The following WASHC2A variants were observed in gnomAD, a reference collection of about 807,000 sequenced individuals.
WASHC2A encodes WASH complex subunit 2A, also known as WASH complex subunit FAM21A.
Under a neutral mutation model 140.3 loss-of-function variants are expected in WASHC2A, and 82 were observed. The ratio of observed to expected loss-of-function variants is 0.58; its 90% confidence interval spans 0.49 to 0.70. The LOEUF is 0.70. Among genes scored for constraint, WASHC2A ranks in the 30% least tolerant of loss-of-function variants. The pLI, the probability that WASHC2A is intolerant of heterozygous loss-of-function variation, is 0.00. For synonymous variants in WASHC2A, 340 were observed against 560.8 expected (o/e 0.61, Z 5.56); for missense variants, 985 against 1,521.8 (o/e 0.65, Z 5.87).
At chr10:50,116,500 A>T (rs1842691589) in intron 21 of WASHC2A, among the ~76,000 whole-genome samples, 1 of 140,536 alleles carries the variant, frequency 7.1e-6, no homozygotes, top group Non-Finnish European at 1.5e-5. Flanking sequence ...TCTTTAGTAG[A>T]GACGGGGTTT....
At chr10:50,127,352 G>C (rs1309019042) in intron 27 of WASHC2A, 130 bp downstream of exon 27, 2 of 1,569,274 alleles carry the variant, frequency 1.3e-6, no homozygotes, top group Non-Finnish European at 1.7e-6. Flanking sequence ...CCTGCACCTA[G>C]TTGTTGTCTC....
intron 17 of WASHC2A, among the ~76,000 whole-genome samples, chr10:50,103,411 T>C (rs1841422169): frequency 6.6e-6 from 1 of 151,834 alleles, no homozygotes; most frequent in Admixed American, 6.6e-5. Flanking sequence ...TACAAAAAAA[T>C]TAGCCAGGCG....
rs1838690207 is a variant in WASHC2A at position 50,079,420 on chromosome 10, G to A, written c.354+683G>A. Among the ~76,000 whole-genome samples the A allele has an allele frequency of 3.9e-5, 6 of 152,128 alleles. 1 individual carries two copies. The South Asian group carries it at 1.2e-3, about 32-fold the overall frequency. ...TTAAAAAAATTTTTTATTTTGAGAT[G>A]GAGTCTCACTCTGTTGCCCAGGCTG... On this transcript the variant is annotated intron_variant, in intron 4 of 30. Transcript: ENST00000282633.
At position 50,068,187 on chromosome 10, in the gene WASHC2A, G is replaced by T. The variant is rs1554874829; in HGVS notation, c.86G>T (p.Arg29Leu). 2 of 1,597,084 alleles carry T rather than the reference G, an allele frequency of 1.3e-6. No homozygotes were observed. The highest frequency in any genetic ancestry group is 1.4e-5 in the African/African-American group (1 of 73,814). Reference protein sequence around the residue: ...WERPWSVEEIRRSSQSWSLAA... With the variant: ...WERPWSVEEILRSSQSWSLAA... ...CGGCCGTGGTCGGTGGAGGAGATCC[G>T]CAGGAGCAGCCAGAGCTGGTCGCTG... Residue 29 changes from arginine to leucine, a missense_variant, in exon 2 of 31, where the codon CGC (arginine) becomes CTC (leucine). By Grantham distance (102) the Arg-to-Leu change is moderately radical. Coordinates refer to ENST00000282633, the MANE Select transcript of WASHC2A (RefSeq NM_001005751.3).
Position 50,132,898 on chromosome 10 carries a change from G to C in WASHC2A, c.3979G>C (p.Val1327Leu), listed in dbSNP as rs771365716. Reference protein sequence around the residue: ...AAPEPRFEHKVSNIFDDPLNA... With the variant: ...AAPEPRFEHKLSNIFDDPLNA... ...ACCTGAACCAAGATTTGAACACAAG[G>C]TGTCCAACATCTTTGATGATCCCCT... is the stretch of plus-strand genomic sequence containing the variant. Residue 1327 changes from valine to leucine, a missense_variant, in exon 31 of 31, where the codon GTG (valine) becomes CTG (leucine). By Grantham distance (32) the Val-to-Leu change is conservative (BLOSUM62 1). Transcript: ENST00000282633. The C allele has an allele frequency of 6.2e-7, 1 of 1,611,992 alleles. No individual in the cohort carries two copies. Among genetic ancestry groups the C allele is most frequent in the South Asian group, 1.1e-5 (1 of 90,988 alleles).
Position 50,099,990 on chromosome 10 carries a change from T to TA in WASHC2A, c.1561_1562insA (p.Ser521TyrfsTer21). On this transcript the variant is annotated frameshift_variant, in exon 17 of 31. Transcript: ENST00000282633. LOFTEE classifies it high-confidence loss of function. ...ACCCCCGACAAAGGTTACCTTATCT[T>TA]CCAGCAAAAATCTCAAGCCCTCATC... 6.7e-7 allele frequency: 1 copy of TA among 1,495,228 alleles called. No individual in the cohort carries two copies. Among genetic ancestry groups the TA allele is most frequent in the South Asian group, 1.2e-5 (1 of 84,774 alleles). The allele number at this position is 1,495,228 out of a possible 1,614,324, so 92.6% of individuals were successfully genotyped here.
intron 15 of WASHC2A, among the ~76,000 whole-genome samples, chr10:50,097,257 T>G (rs1402812554): frequency 6.6e-6 from 1 of 150,822 alleles, no homozygotes; most frequent in Non-Finnish European, 1.5e-5. Context: ...ATTTCATTAT[T>G]TGCTTTTATC....
intron 22 of WASHC2A, 147 bp downstream of exon 22, chr10:50,118,205 C>G (rs1842817612): frequency 1.7e-6 from 1 of 599,894 alleles, no homozygotes; most frequent in African/African-American, 2.1e-5. Flanking sequence ...GGCTGTGTCC[C>G]CACAGTGCAG....
intron 16 of WASHC2A, 144 bp downstream of exon 16, chr10:50,097,946 C>G (rs1249439953): frequency 2.2e-6 from 2 of 891,632 alleles, no homozygotes; most frequent in Non-Finnish European, 3.4e-6. Context: ...TTGCAGTGAA[C>G]ACCCAAATAA....
chr10:50,092,528 G>A (rs1840030769), intron 11 of WASHC2A, among the ~76,000 whole-genome samples: 2 of 151,998 alleles, frequency 1.3e-5, no homozygotes, highest in South Asian at 4.2e-4. Flanking sequence ...ATGGTGGTGG[G>A]TGCCTGTTGT....
At chr10:50,114,355 TA>T (rs1554891323) in intron 21 of WASHC2A, among the ~76,000 whole-genome samples, 1 of 91,774 alleles carries the variant, frequency 1.1e-5, no homozygotes, top group African/African-American at 4.3e-5. Flanking sequence ...AGCCAGTCAG[TA>T]AAAAGGAAGG....
chr10:50,072,972 G>A (rs1460188007), intron 3 of WASHC2A, among the ~76,000 whole-genome samples: 1 of 152,140 alleles, frequency 6.6e-6, no homozygotes, highest in Non-Finnish European at 1.5e-5. Flanking sequence ...ATATTATAAA[G>A]TTAGTGAAAC....
Position 50,133,216 on chromosome 10 carries a change from G to A in WASHC2A, c.*271G>A, listed in dbSNP as rs775883675. The A allele has an allele frequency of 0.019, 11,562 of 594,310 alleles. 102 individuals are homozygous for A. The highest frequency in any genetic ancestry group is 0.025 in the Non-Finnish European group (8,308 of 328,706). The allele number at this position is 594,310 out of a possible 1,614,324, so 36.8% of individuals were successfully genotyped here. On this transcript the variant is annotated 3_prime_UTR_variant, in exon 31 of 31. Coordinates refer to ENST00000282633, the MANE Select transcript of WASHC2A (RefSeq NM_001005751.3). ...TTGCTGGGGCCATAATATGCTTCAG[G>A]GTGTGTAAAAGAAGAAATCTCTTTG...
chr10:50,126,597 A>G lies in WASHC2A; in HGVS notation c.2811+418A>G, dbSNP rs1207538412. The G allele has an allele frequency of 1.1e-3, 298 of 277,390 alleles. 2 individuals carry two copies. Among genetic ancestry groups the G allele is most frequent in the Non-Finnish European group, 1.4e-3 (208 of 145,380 alleles). 17.2% of individuals were successfully genotyped at this position (277,390 alleles called of 1,614,324 possible). On this transcript the variant is annotated intron_variant, in intron 26 of 30. Transcript: ENST00000282633. Reference sequence around the variant, plus strand: ...TCATTGCTGTTGGGCCGTACTCTGCAGCAGTCTTCCCAGAACGCTGTGGAG... The same window carrying G: ...TCATTGCTGTTGGGCCGTACTCTGCGGCAGTCTTCCCAGAACGCTGTGGAG...
At position 50,125,450 on chromosome 10, in the gene WASHC2A, G is replaced by T; in HGVS notation, c.2688+1G>T. ...CAGCTCTGCCAAGTCCCAGCCTTTG[G>T]TACCAGCCTTTTGTTCTCAATACTG... is the stretch of plus-strand genomic sequence containing the variant. On this transcript the variant is annotated splice_donor_variant, in intron 25 of 30. Transcript: ENST00000282633. LOFTEE classifies it high-confidence loss of function. 1 of 1,598,070 alleles carries T rather than the reference G, an allele frequency of 6.3e-7. No homozygotes were observed. Among genetic ancestry groups the T allele is most frequent in the Non-Finnish European group, 8.5e-7 (1 of 1,174,726 alleles).
intron 23 of WASHC2A, among the ~76,000 whole-genome samples, chr10:50,123,761 C>T (rs1396394991): frequency 6.8e-6 from 1 of 147,792 alleles, no homozygotes; most frequent in Non-Finnish European, 1.5e-5. Context: ...TTATGCAAAC[C>T]AGGTTGGCAG....
intron 11 of WASHC2A, among the ~76,000 whole-genome samples, chr10:50,092,681 G>A (rs1200386882): frequency 2.0e-5 from 3 of 151,438 alleles, no homozygotes; most frequent in Non-Finnish European, 2.9e-5. Context: ...GCCTTGGAAG[G>A]CATGTTTTGG....
chr10:50,095,312 G>C, intron 14 of WASHC2A, 105 bp downstream of exon 14: 1 of 1,019,166 alleles, frequency 9.8e-7, no homozygotes, highest in Non-Finnish European at 1.4e-6. Flanking sequence ...AAGTACCTGG[G>C]AGCTTCAAAG....
chr10:50,111,958 G>T (rs1824937097), intron 20 of WASHC2A, among the ~76,000 whole-genome samples: 1 of 152,084 alleles, frequency 6.6e-6, no homozygotes, highest in Non-Finnish European at 1.5e-5. Context: ...AACCTGGGAG[G>T]CAGAGGTTAC....
Sources: gnomAD v4.1 joint callset for allele counts (sites outside exome capture counted in the v4.1 genomes callset) on GRCh38, gnomAD v4.1.1 for gene constraint, MANE v1.5 for transcripts, NCBI Gene and HGNC (gene_info 2026-07-23, HGNC 2026-07-21) for gene names.